Variants in CDH20 observed in about 807,000 individuals in gnomAD.
CDH20 encodes the protein cadherin 20.
A neutral mutation model predicts 74.2 loss-of-function variants in CDH20; 29 were observed. The ratio of observed to expected loss-of-function variants is 0.39; its 90% confidence interval spans 0.29 to 0.53. CDH20 has a LOEUF of 0.53. CDH20 is among the 20% of genes least tolerant of loss of function. The pLI, the probability that CDH20 is intolerant of heterozygous loss-of-function variation, is 0.69. For missense variants in CDH20, 988 were observed against 1,048.3 expected, an observed-to-expected ratio of 0.94 and a Z score of 0.79; for synonymous variants, 469 against 405.4, an observed-to-expected ratio of 1.16 and a Z score of -1.88.
chr18:61,335,399 G>T (rs1462968524), intron 1 of CDH20, among the ~76,000 whole-genome samples: 1 of 152,134 alleles, frequency 6.6e-6, no homozygotes, highest in Non-Finnish European at 1.5e-5. Context: ...GCTGGGCGAG[G>T]GTGTGGGAGA....
chr18:61,478,278 C>T (rs1414571010), intron 1 of CDH20, among the ~76,000 whole-genome samples: 1 of 151,222 alleles, frequency 6.6e-6, no homozygotes. Flanking sequence ...TTCTTATTGT[C>T]ATTTGATCAC....
chr18:61,500,030 G>A (rs1182048837), intron 3 of CDH20, among the ~76,000 whole-genome samples: 1 of 147,600 alleles, frequency 6.8e-6, no homozygotes, highest in African/African-American at 2.5e-5. Flanking sequence ...CTTGAACCCG[G>A]GAGGTGGAGA....
At chr18:61,514,595 G>A (rs1423708178) in intron 6 of CDH20, among the ~76,000 whole-genome samples, 5 of 150,968 alleles carry the variant, frequency 3.3e-5, no homozygotes, top group African/African-American at 1.2e-4. Context: ...AGAGTTTCCA[G>A]TTTTTCTGTT....
chr18:61,425,766 C>T lies in CDH20; in HGVS notation c.-152-64636C>T, dbSNP rs113458743. Among the ~76,000 whole-genome samples, 371 of 152,126 alleles carry T rather than the reference C, an allele frequency of 2.4e-3. 1 individual carries two copies. Among genetic ancestry groups the T allele is most frequent in the Non-Finnish European group, 3.9e-3 (263 of 67,994 alleles). On this transcript the variant is annotated intron_variant, in intron 1 of 11. Transcript: ENST00000262717. ...GGTACAGCATATACTGCTCAGATGA[C>T]GGATACACGAAAAACCTCAGAAATA...
At position 61,360,885 on chromosome 18, in the gene CDH20, C is replaced by A. The variant is rs137861888; in HGVS notation, c.-153+27058C>A. ...TGTCTTCCCACATTCAATACTTCCT[C>A]TTTCTGTTTTAGTTTCAGTTCGCAG... On this transcript the variant is annotated intron_variant, in intron 1 of 11. Coordinates refer to ENST00000262717, the MANE Select transcript of CDH20 (RefSeq NM_031891.4). 5.4e-3 allele frequency among the ~76,000 whole-genome samples: 829 copies of A among 152,294 alleles called. 12 individuals are homozygous for A. The highest frequency in any genetic ancestry group is 0.025 in the Admixed American group (388 of 15,310).
rs534806929 is a variant in CDH20, at chr18:61,553,942, T to C, written c.1901-248T>C. Among the ~76,000 whole-genome samples, 7 of 152,344 alleles carry C rather than the reference T, an allele frequency of 4.6e-5. No individual in the cohort carries two copies. The South Asian group carries it at 8.3e-4, about 18-fold the overall frequency. ...ACAGCAAGCTGATGGTAAGCGACTA[T>C]AGGCAACTTTTTCTAATTAAACCAT... On this transcript the variant is annotated intron_variant, in intron 11 of 11. Coordinates refer to ENST00000262717, the MANE Select transcript of CDH20 (RefSeq NM_031891.4).
At chr18:61,472,351 C>G (rs1331571906) in intron 1 of CDH20, among the ~76,000 whole-genome samples, 1 of 151,884 alleles carries the variant, frequency 6.6e-6, no homozygotes, top group Non-Finnish European at 1.5e-5. Flanking sequence ...AAACCTTCTT[C>G]CCTCAAAGTT....
At chr18:61,451,508 G>A (rs1909386542) in intron 1 of CDH20, among the ~76,000 whole-genome samples, 1 of 152,042 alleles carries the variant, frequency 6.6e-6, no homozygotes, top group Non-Finnish European at 1.5e-5. Context: ...CTTAATATTG[G>A]TCATGGTGGA....
At chr18:61,433,761 A>G (rs538345461) in intron 1 of CDH20, among the ~76,000 whole-genome samples, 33 of 152,328 alleles carry the variant, frequency 2.2e-4, no homozygotes, top group Admixed American at 9.8e-4. Context: ...TTGCTGTTAT[A>G]TTTGGGAAAA....
At chr18:61,495,849 T>C (rs555976086) in intron 2 of CDH20, among the ~76,000 whole-genome samples, 2 of 152,114 alleles carry the variant, frequency 1.3e-5, no homozygotes, top group South Asian at 4.1e-4. Flanking sequence ...TGAGTTTTGT[T>C]CCCTGACTAC....
At chr18:61,523,533 C>A (rs1397460391) in intron 6 of CDH20, among the ~76,000 whole-genome samples, 4 of 152,006 alleles carry the variant, frequency 2.6e-5, no homozygotes, top group Admixed American at 6.6e-5. Context: ...GATCTAGAAC[C>A]AGAAATACCA....
chr18:61,475,291 T>C (rs1479869967), intron 1 of CDH20, among the ~76,000 whole-genome samples: 1 of 152,136 alleles, frequency 6.6e-6, no homozygotes, highest in African/African-American at 2.4e-5. Flanking sequence ...GGTGTGAAGG[T>C]GGGGATGGAA....
intron 7 of CDH20, among the ~76,000 whole-genome samples, chr18:61,531,254 G>A (rs1434618943): frequency 6.6e-6 from 1 of 152,220 alleles, no homozygotes; most frequent in Non-Finnish European, 1.5e-5. Context: ...GCTGTCAGGG[G>A]TCCTGTGGGT....
chr18:61,552,127 A>G (rs1423622417), intron 11 of CDH20, among the ~76,000 whole-genome samples: 6 of 152,052 alleles, frequency 3.9e-5, no homozygotes, highest in Non-Finnish European at 8.8e-5. Context: ...TTGTCAACAA[A>G]ATACTATATT....
chr18:61,373,833 G>A (rs1036188696), intron 1 of CDH20, among the ~76,000 whole-genome samples: 41 of 152,044 alleles, frequency 2.7e-4, no homozygotes, highest in African/African-American at 9.9e-4. Context: ...TGTCATGTCT[G>A]GGAAGATCAA....
rs184050993 is a variant in CDH20, at chr18:61,351,069, G to A, written c.-153+17242G>A. Among the ~76,000 whole-genome samples the A allele has an allele frequency of 8.0e-4, 122 of 152,272 alleles. 2 individuals are homozygous for A. The highest frequency in any genetic ancestry group is 2.8e-3 in the African/African-American group (117 of 41,552). ...CCTAAGTGAATTCTTGTAGTTTGAT[G>A]GCACTGATGGTGGGTGAAGGAAGTA... On this transcript the variant is annotated intron_variant, in intron 1 of 11. Transcript: ENST00000262717.
At chr18:61,404,810 T>G (rs1912275414) in intron 1 of CDH20, 1 of 331,106 alleles carries the variant, frequency 3.0e-6, no homozygotes, top group Non-Finnish European at 5.5e-6. Flanking sequence ...TTTTTTTTTT[T>G]TTTTAACAAG....
intron 1 of CDH20, among the ~76,000 whole-genome samples, chr18:61,383,747 T>TA (rs1911510091): frequency 1.3e-5 from 2 of 152,252 alleles, no homozygotes; most frequent in Non-Finnish European, 2.9e-5. Context: ...TTCAGTACAT[T>TA]AAAAAGAGTC....
At chr18:61,412,879 GT>G (rs1453466316) in intron 1 of CDH20, among the ~76,000 whole-genome samples, 1 of 152,192 alleles carries the variant, frequency 6.6e-6, no homozygotes, top group Non-Finnish European at 1.5e-5. Flanking sequence ...ACACAAGTAT[GT>G]GAACAATGGA....
Sources: gnomAD v4.1 joint callset for allele counts (sites outside exome capture counted in the v4.1 genomes callset) on GRCh38, gnomAD v4.1.1 for gene constraint, MANE v1.5 for transcripts, NCBI Gene and HGNC (gene_info 2026-07-23, HGNC 2026-07-21) for gene names.